The following LMO7 variants were observed in gnomAD, a reference collection of about 807,000 sequenced individuals.
LMO7 encodes the protein LIM domain only protein 7.
A neutral mutation model predicts 206.5 loss-of-function variants in LMO7; 120 were observed. The ratio of observed to expected loss-of-function variants is 0.58; its 90% CI spans 0.50 to 0.68. LMO7 has a LOEUF of 0.68. Ranked by LOEUF, LMO7 falls within the 30% of genes least tolerant of loss-of-function variation. The pLI is 0.00. For synonymous variants in LMO7, 706 were observed against 681.5 expected (o/e 1.04, Z -0.56); for missense variants, 1,959 against 1,957.9 (o/e 1.00, Z -0.01).
At chr13:75,788,534 C>T (rs1422333066) in intron 4 of LMO7, among the ~76,000 whole-genome samples, 1 of 151,894 alleles carries the variant, frequency 6.6e-6, no homozygotes, top group Non-Finnish European at 1.5e-5. Context: ...CTCCCACTGC[C>T]ACACATGCCT....
At chr13:75,663,432 C>CTTTCTTTTTTTTT (rs1555289857) in intron 1 of LMO7, among the ~76,000 whole-genome samples, 2 of 111,408 alleles carry the variant, frequency 1.8e-5, no homozygotes, top group African/African-American at 3.8e-5. Flanking sequence ...TTCTTTCTTT[C>CTTTCTTTTTTTTT]TTTTTTTTTT....
intron 7 of LMO7, 55 bp from the exon 8 acceptor site, chr13:75,804,234 T>G: frequency 6.4e-7 from 1 of 1,567,068 alleles, no homozygotes; most frequent in Non-Finnish European, 8.7e-7. Flanking sequence ...CTGTGTGGGT[T>G]TCAGTTAGGC....
In LMO7 at chr13:75,834,213, T is replaced by C. The variant is rs1421421935; in HGVS notation, c.3065-13T>C. 11 of 1,562,774 alleles carry C rather than the reference T, an allele frequency of 7.0e-6. No individual in the cohort carries two copies. The highest frequency in any genetic ancestry group is 1.4e-5 in the African/African-American group (1 of 72,642). On this transcript the variant is annotated splice_polypyrimidine_tract_variant and intron_variant, in intron 16 of 30. Transcript: ENST00000377534. The stretch of plus-strand genomic sequence containing the variant: ...TTTTTTCCCCAATTGGTTAATTTAT[T>C]TTGCATTTTTAGGTAGCCCAGCAGA...
chr13:75,785,505 G>A (rs1456455350), intron 4 of LMO7, among the ~76,000 whole-genome samples: 5 of 152,214 alleles, frequency 3.3e-5, no homozygotes, highest in Non-Finnish European at 4.4e-5. Context: ...TAAGTATAAA[G>A]GAGGACTTAA....
chr13:75,655,782 T>G (rs2038015899), intron 1 of LMO7, among the ~76,000 whole-genome samples: 1 of 151,968 alleles, frequency 6.6e-6, no homozygotes, highest in African/African-American at 2.4e-5. Flanking sequence ...TTCCAGGAGC[T>G]CAAATTCATT....
At position 75,777,682 on chromosome 13, in the gene LMO7, G is replaced by A. The variant is rs367896824; in HGVS notation, c.317+16644G>A. On this transcript the variant is annotated intron_variant, in intron 4 of 30. Coordinates refer to ENST00000377534, the MANE Select transcript of LMO7 (RefSeq NM_001306080.2). Reference sequence around the variant, plus strand: ...TTTTTTTGAGACAGAGTCTCGCTCTGTCACCCAGGCTGGAGTGCAGTGGGG... The same window carrying A: ...TTTTTTTGAGACAGAGTCTCGCTCTATCACCCAGGCTGGAGTGCAGTGGGG... Among the ~76,000 whole-genome samples the A allele has an allele frequency of 2.2e-4, 27 of 125,324 alleles. 1 individual carries two copies. The highest frequency in any genetic ancestry group is 1.9e-3 in the East Asian group (8 of 4,262). The allele number at this position is 125,324 out of a possible 152,430, so 82.2% of individuals were successfully genotyped here.
At chr13:75,737,227 T>A (rs2139024016) in intron 3 of LMO7, among the ~76,000 whole-genome samples, 1 of 151,878 alleles carries the variant, frequency 6.6e-6, no homozygotes, top group South Asian at 2.1e-4. Context: ...AGGATTGGAG[T>A]GATGCATCTA....
At chr13:75,739,077 C>G (rs1367266634) in intron 3 of LMO7, among the ~76,000 whole-genome samples, 1 of 152,202 alleles carries the variant, frequency 6.6e-6, no homozygotes, top group Non-Finnish European at 1.5e-5. Flanking sequence ...TTGAAATTGC[C>G]AGTGACTCCC....
chr13:75,853,860 C>T (rs1010373768), intron 28 of LMO7, among the ~76,000 whole-genome samples: 27 of 152,200 alleles, frequency 1.8e-4, no homozygotes, highest in Non-Finnish European at 3.1e-4. Flanking sequence ...CATGCTCCAT[C>T]GTCTGGGGGA....
intron 1 of LMO7, among the ~76,000 whole-genome samples, chr13:75,661,727 G>A (rs1216971846): frequency 2.0e-5 from 3 of 152,212 alleles, no homozygotes; most frequent in African/African-American, 4.8e-5. Flanking sequence ...CTGGAAGCAG[G>A]TGTTCTTGCC....
intron 7 of LMO7, among the ~76,000 whole-genome samples, chr13:75,803,491 T>G (rs2055044619): frequency 6.6e-6 from 1 of 152,220 alleles, no homozygotes; most frequent in Non-Finnish European, 1.5e-5. Flanking sequence ...ATCTGTAGTG[T>G]TGTTCTCCCC....
At chr13:75,851,807 G>A (rs933747906) in intron 27 of LMO7, among the ~76,000 whole-genome samples, 2 of 152,056 alleles carry the variant, frequency 1.3e-5, no homozygotes, top group Admixed American at 1.3e-4. Context: ...TTTATAATGT[G>A]GACATTAAAC....
intron 9 of LMO7, 115 bp from the exon 10 acceptor site, chr13:75,807,365 C>A: frequency 1.9e-6 from 2 of 1,040,896 alleles, no homozygotes; most frequent in East Asian, 2.6e-5. Flanking sequence ...AAATGATTTA[C>A]CCTCAGTAAC....
intron 3 of LMO7, among the ~76,000 whole-genome samples, chr13:75,750,926 A>G (rs539105769): frequency 1.3e-5 from 2 of 152,266 alleles, no homozygotes; most frequent in African/African-American, 4.8e-5. Flanking sequence ...TCTATAAATC[A>G]TAATGCTAAG....
At chr13:75,823,136 C>G (rs1019743832) in intron 14 of LMO7, among the ~76,000 whole-genome samples, 1 of 152,048 alleles carries the variant, frequency 6.6e-6, no homozygotes, top group Non-Finnish European at 1.5e-5. Flanking sequence ...CCAGATCTTA[C>G]ATGGTAAAAC....
At chr13:75,854,999 C>G in intron 28 of LMO7, 1 of 371,442 alleles carries the variant, frequency 2.7e-6, no homozygotes, top group South Asian at 4.4e-5. Flanking sequence ...GTATCAGAAA[C>G]TGCAGGATGG....
At chr13:75,792,614 TC>T (rs1351645890) in intron 4 of LMO7, among the ~76,000 whole-genome samples, 1 of 152,204 alleles carries the variant, frequency 6.6e-6, no homozygotes, top group African/African-American at 2.4e-5. Context: ...TTGCAGTAGT[TC>T]TATTTTAAAG....
chr13:75,656,270 G>A (rs2139200022), intron 1 of LMO7, among the ~76,000 whole-genome samples: 1 of 152,258 alleles, frequency 6.6e-6, no homozygotes, highest in East Asian at 1.9e-4. Flanking sequence ...TGGAACTGTG[G>A]GTCCAGGGGA....
In LMO7 at chr13:75,823,682, A is replaced by G; in HGVS notation, c.2758A>G (p.Ser920Gly). 6.2e-7 allele frequency: 1 copy of G among 1,614,200 alleles called. No individual in the cohort carries two copies. The highest frequency in any genetic ancestry group is 8.5e-7 in the Non-Finnish European group (1 of 1,180,026). Residue 920 changes from serine to glycine, a missense_variant, in exon 15 of 31, where the codon AGC (serine) becomes GGC (glycine). Coordinates refer to ENST00000377534, the MANE Select transcript of LMO7 (RefSeq NM_001306080.2). ...DASQLASSLS[S>G]QKEVAATEED... The stretch of plus-strand genomic sequence containing the variant: ...AAGCCAACTGGCTTCAAGCTTATCT[A>G]GCCAGAAAGAGGTAGCAGCAACAGA...
Sources: allele counts gnomAD v4.1 joint callset (sites outside exome capture counted in the v4.1 genomes callset), GRCh38; gene constraint gnomAD v4.1.1; transcripts MANE v1.5; gene names NCBI Gene and HGNC (gene_info 2026-07-23, HGNC 2026-07-21).